The following MCF2L variants were observed in gnomAD, a reference collection of about 807,000 sequenced individuals.
MCF2L encodes the protein guanine nucleotide exchange factor DBS.
Under a neutral mutation model 153.4 loss-of-function variants are expected in MCF2L, and 97 were observed. The observed-to-expected ratio is 0.63, with a 90% CI of 0.54 to 0.75. MCF2L has a LOEUF of 0.75. Among genes scored for constraint, MCF2L ranks in the 30% least tolerant of loss-of-function variants. The pLI, the probability that MCF2L is intolerant of heterozygous loss-of-function variation, is 0.00. For synonymous variants in MCF2L, 659 were observed against 632.2 expected (o/e 1.04, Z -0.64); for missense variants, 1,347 against 1,495.2 (o/e 0.90, Z 1.64).
At chr13:112,933,188 G>C (rs2081481395) in intron 2 of MCF2L, among the ~76,000 whole-genome samples, 1 of 152,228 alleles carries the variant, frequency 6.6e-6, no homozygotes. Flanking sequence ...CGCAGGGGTT[G>C]GCTCCAGTTG....
Position 113,027,524 on chromosome 13 carries a change from G to T in MCF2L, c.278+2766G>T, listed in dbSNP as rs913798811. Among the ~76,000 whole-genome samples the T allele has an allele frequency of 6.6e-6, 1 of 152,218 alleles. No individual in the cohort carries two copies. The highest frequency in any genetic ancestry group is 2.4e-5 in the African/African-American group (1 of 41,464). ...CAAATCACTGTGTGTTGGGTTTGTG[G>T]TTTTGACCTCAGTCTCTTGTCTGTT... On this transcript the variant is annotated intron_variant, in intron 3 of 29. Coordinates refer to ENST00000535094, the MANE Select transcript of MCF2L (RefSeq NM_001112732.3). The surrounding 1 kb of genome is among the most constrained non-coding windows in gnomAD (Gnocchi z 4.8).
intron 2 of MCF2L, among the ~76,000 whole-genome samples, chr13:112,940,436 C>CAG (rs2081563816): frequency 6.6e-6 from 1 of 152,236 alleles, no homozygotes; most frequent in South Asian, 2.1e-4. Context: ...GCCTTGTGGG[C>CAG]AGTCACTTCC....
rs955459303 is a variant in MCF2L, at chr13:113,038,566, T to C, written c.279-6705T>C. 3.3e-4 allele frequency among the ~76,000 whole-genome samples: 50 copies of C among 152,306 alleles called. 1 individual carries two copies. Among genetic ancestry groups the C allele is most frequent in the Admixed American group, 1.3e-4 (2 of 15,296 alleles). On this transcript the variant is annotated intron_variant, in intron 3 of 29. Transcript: ENST00000535094. ...CAATTAGTATTATAACAATGTTAAT[T>C]CTCTCTAAATAAACATATAGATCGA...
At position 113,074,053 on chromosome 13, in the gene MCF2L, G is replaced by T. The variant is rs1295366162; in HGVS notation, c.997-391G>T. The stretch of plus-strand genomic sequence containing the variant: ...GAGTTACATAACTCTCCACACCTAG[G>T]ATCCAGTAGGAATGCTGACAATTCC... On this transcript the variant is annotated intron_variant, in intron 9 of 29. Transcript: ENST00000535094. This position sits in a 1 kb window ranked among gnomAD's most constrained non-coding sequence, Gnocchi z 4.2. Among the ~76,000 whole-genome samples the T allele has an allele frequency of 1.3e-5, 2 of 152,210 alleles. No individual in the cohort carries two copies. Among genetic ancestry groups the T allele is most frequent in the African/African-American group, 2.4e-5 (1 of 41,458 alleles).
chr13:113,040,374 C>T (rs2086400597), intron 3 of MCF2L: 1 of 140,574 alleles, frequency 7.1e-6, no homozygotes, highest in African/African-American at 2.7e-5. Context: ...CCCAGATGGG[C>T]CAAGGTAACC....
chr13:113,071,944 T>G lies in MCF2L; in HGVS notation c.996+1771T>G, dbSNP rs188699842. Among the ~76,000 whole-genome samples, 4 of 152,350 alleles carry G rather than the reference T, an allele frequency of 2.6e-5. No individual in the cohort carries two copies. The East Asian group carries it at 7.7e-4, about 29-fold the overall frequency. On this transcript the variant is annotated intron_variant, in intron 9 of 29. Transcript: ENST00000535094. ...CATAGGAGTTGTGTTAAACCTATAT[T>G]TTAAGGAGAAGAAATGTCTTTACTG...
chr13:112,997,177 C>A (rs1225119682), intron 1 of MCF2L, among the ~76,000 whole-genome samples: 1 of 152,230 alleles, frequency 6.6e-6, no homozygotes, highest in African/African-American at 2.4e-5. Context: ...AAATTCCCAT[C>A]GAGAGCCTCG....
In MCF2L at chr13:112,993,860, T is replaced by G. The variant is rs2082996364; in HGVS notation, c.80-20903T>G. On this transcript the variant is annotated intron_variant, in intron 1 of 29. Coordinates refer to ENST00000535094, the MANE Select transcript of MCF2L (RefSeq NM_001112732.3). This position sits in a 1 kb window ranked among gnomAD's most constrained non-coding sequence, Gnocchi z 4.6. ...TTAAGAGACGTGTTTGCCTCCTGGG[T>G]GGGTAGGATTTTCCCCTCCCTTAGA... 6.6e-6 allele frequency among the ~76,000 whole-genome samples: 1 copy of G among 151,890 alleles called. No homozygotes were observed. The highest frequency in any genetic ancestry group is 6.6e-5 in the Admixed American group (1 of 15,232).
At position 113,096,417 on chromosome 13, in the gene MCF2L, C is replaced by A. The variant is rs770365504; in HGVS notation, c.3122C>A (p.Pro1041His). 1.1e-5 allele frequency: 17 copies of A among 1,595,832 alleles called. No individual in the cohort carries two copies. The highest frequency in any genetic ancestry group is 1.4e-5 in the Non-Finnish European group (16 of 1,172,468). The change falls in exon 28 of 30, where the codon CCC becomes CAC. Residue 1041 changes from proline to histidine, a missense_variant. Around this residue, in one of 3 missense-constraint regions of MCF2L, gnomAD observed 383 missense variants for 335.4 expected, o/e 1.14. Transcript: ENST00000535094. ...TVVADHEKGG[P>H]DALRVRSGDV... Reference sequence around the variant, plus strand: ...GTGGCGGACCACGAGAAGGGAGGCCCCGATGCGCTGCGCGTGAGGAGCGGG... The same window carrying A: ...GTGGCGGACCACGAGAAGGGAGGCCACGATGCGCTGCGCGTGAGGAGCGGG...
At chr13:112,894,734 G>A (rs1418456376) in intron 1 of MCF2L, among the ~76,000 whole-genome samples, 3 of 152,122 alleles carry the variant, frequency 2.0e-5, no homozygotes, top group South Asian at 2.1e-4. Context: ...TTGTCACGGG[G>A]GCCCTCACAC....
At chr13:113,060,528 C>CGCACTAG in intron 4 of MCF2L, 65 bp from the exon 5 acceptor site, 2 of 1,585,906 alleles carry the variant, frequency 1.3e-6, no homozygotes, top group Admixed American at 3.4e-5. Flanking sequence ...GTGCAGGCAC[C>CGCACTAG]GCACTAGGGG....
rs1444397184 is a variant in MCF2L at position 113,031,576 on chromosome 13, AG to A, written c.278+6821del. On this transcript the variant is annotated intron_variant, in intron 3 of 29. Coordinates refer to ENST00000535094, the MANE Select transcript of MCF2L (RefSeq NM_001112732.3). The surrounding 1 kb of genome is among the most constrained non-coding windows in gnomAD (Gnocchi z 5.5). The stretch of plus-strand genomic sequence containing the variant: ...CATGAGCTGCCAGAATGCAGGGTGG[AG>A]GGAGAATGCGGGGTGGAGGGAGGAG... Among the ~76,000 whole-genome samples the A allele has an allele frequency of 6.6e-6, 1 of 151,280 alleles. No homozygotes were observed. The highest frequency in any genetic ancestry group is 1.5e-5 in the Non-Finnish European group (1 of 67,844).
chr13:113,097,634 A>G lies in MCF2L; in HGVS notation c.*775A>G, dbSNP rs889492670. The G allele has an allele frequency of 6.7e-6, 1 of 150,100 alleles. No homozygotes were observed. Among genetic ancestry groups the G allele is most frequent in the Admixed American group, 6.6e-5 (1 of 15,040 alleles). 9.3% of individuals were successfully genotyped at this position (150,100 alleles called of 1,614,324 possible). A position where few individuals can be genotyped will look rare whatever the true frequency, so the allele number is the denominator to read the frequency against. ...ATTTTCAAAAGAAAATTTAAACTAT[A>G]ATTTAAACAATTAACGTTCTTTTCT... On this transcript the variant is annotated 3_prime_UTR_variant, in exon 30 of 30. Transcript: ENST00000535094.
chr13:112,995,067 A>C (rs928804525), intron 1 of MCF2L, among the ~76,000 whole-genome samples: 9 of 152,166 alleles, frequency 5.9e-5, no homozygotes, highest in Middle Eastern at 3.4e-3. Flanking sequence ...GCATCCTCTG[A>C]CCTGCGTGGC....
At chr13:113,056,083 T>G (rs1044912492) in intron 4 of MCF2L, among the ~76,000 whole-genome samples, 1 of 152,146 alleles carries the variant, frequency 6.6e-6, no homozygotes, top group African/African-American at 2.4e-5. Context: ...GAGGTCTCCA[T>G]GGGAGGGGTC....
At chr13:112,974,382 G>C (rs72661946) in intron 1 of MCF2L, among the ~76,000 whole-genome samples, 11,396 of 151,754 alleles carry the variant, frequency 0.075, 643 homozygotes, top group East Asian at 0.24. Context: ...CAGCCTCTGA[G>C]TCCATGAAGC....
At chr13:113,083,792 A>G (rs2034376761) in intron 17 of MCF2L, among the ~76,000 whole-genome samples, 2 of 152,078 alleles carry the variant, frequency 1.3e-5, no homozygotes, top group Non-Finnish European at 2.9e-5. Context: ...CCAGAAATAT[A>G]AAGAGACTCA....
At chr13:113,095,806 T>G in intron 27 of MCF2L, 1 of 998,660 alleles carries the variant, frequency 1.0e-6, no homozygotes, top group Non-Finnish European at 1.2e-6. Context: ...TGGGTCCCCA[T>G]TCCCCAACGG....
chr13:113,066,411 C>T (rs753640058), intron 8 of MCF2L, among the ~76,000 whole-genome samples: 1 of 152,192 alleles, frequency 6.6e-6, no homozygotes, highest in Non-Finnish European at 1.5e-5. Context: ...GGGACAATTT[C>T]CTAGAGCAAA....
Sources: gnomAD v4.1 joint callset for allele counts (sites outside exome capture counted in the v4.1 genomes callset) on GRCh38, gnomAD v4.1.1 for gene constraint, gnomAD v4.1.1 regional missense constraint, Gnocchi (gnomAD v3.1) non-coding constraint, MANE v1.5 for transcripts, NCBI Gene and HGNC (gene_info 2026-07-23, HGNC 2026-07-21) for gene names.